CUL4B: variants seen among roughly 807,000 people sequenced by gnomAD.
CUL4B encodes cullin 4B.
CUL4B carries 1 observed loss-of-function variant against 69.2 expected under a neutral mutation model. That is an observed-to-expected ratio of 0.01 (90% CI 0.01 to 0.07). The LOEUF (loss-of-function observed/expected upper bound fraction) is 0.07. Ranked by LOEUF, CUL4B falls within the 10% of genes least tolerant of loss-of-function variation. The pLI, the probability that CUL4B is intolerant of heterozygous loss-of-function variation, is 1.00. For synonymous variants in CUL4B, 237 were observed against 223.2 expected, an observed-to-expected ratio of 1.06 and a Z score of -0.55; for missense variants, 328 against 638.8, an observed-to-expected ratio of 0.51 and a Z score of 5.24.
Position 120,560,920 on chromosome X carries a change from G to A in CUL4B, c.-282C>T, listed in dbSNP as rs971764699. Reference sequence around the variant, plus strand: ...GTGCCGTCCCCCTCCCCTGCTTTTCGATCTCTCTCCCCCCCTTTCTGCAGG... The same window carrying A: ...GTGCCGTCCCCCTCCCCTGCTTTTCAATCTCTCTCCCCCCCTTTCTGCAGG... On this transcript the variant is annotated 5_prime_UTR_variant, in exon 1 of 20. Coordinates refer to ENST00000371322, the MANE Select transcript of CUL4B (RefSeq NM_001079872.2). 1.3e-6 allele frequency: 1 copy of A among 752,823 alleles called. No homozygotes were observed. Among genetic ancestry groups the A allele is most frequent in the Non-Finnish European group, 1.6e-6 (1 of 638,795 alleles). 62.0% of individuals were successfully genotyped at this position (752,823 alleles called of 1,213,427 possible).
chrX:120,553,488 T>G (rs988605181), intron 2 of CUL4B, among the ~76,000 whole-genome samples: 5 of 112,438 alleles, frequency 4.4e-5, no homozygotes, highest in African/African-American at 1.6e-4. Flanking sequence ...AAAATTATTT[T>G]CATCAGAATT....
At chrX:120,571,708 G>A (rs1925715012) in exon 3 of CUL4B, 1 of 110,895 alleles carries the variant, frequency 9.0e-6, no homozygotes, top group African/African-American at 3.3e-5. Flanking sequence ...TGAACAATTG[G>A]GGTTTAAACT....
Position 120,540,357 on chromosome X carries a change from C to A in CUL4B, c.1636+13G>T. On this transcript the variant is annotated intron_variant, in intron 11 of 19. Coordinates refer to ENST00000371322, the MANE Select transcript of CUL4B (RefSeq NM_001079872.2). Reference sequence around the variant, plus strand: ...CATCATTAAACAACTGGAAAAAGGACTGGAAAACATACCTATAAGTTCAGC... The same window carrying A: ...CATCATTAAACAACTGGAAAAAGGAATGGAAAACATACCTATAAGTTCAGC... The A allele has an allele frequency of 2.5e-6, 3 of 1,197,615 alleles. No homozygotes were observed. The highest frequency in any genetic ancestry group is 3.4e-6 in the Non-Finnish European group (3 of 882,993).
intron 13 of CUL4B, 58 bp from the exon 14 acceptor site, chrX:120,538,267 T>A: frequency 1.3e-6 from 1 of 780,502 alleles, no homozygotes; most frequent in Non-Finnish European, 1.9e-6. Context: ...AAAAGAGGTT[T>A]AAAAGTGGGA....
Position 120,525,041 on chromosome X carries a change from T to C in CUL4B, c.*1720A>G, listed in dbSNP as rs1037556880. 8.9e-6 allele frequency: 1 copy of C among 112,252 alleles called. No individual in the cohort carries two copies. Among genetic ancestry groups the C allele is most frequent in the Non-Finnish European group, 1.9e-5 (1 of 53,216 alleles). The allele number at this position is 112,252 out of a possible 1,213,427, so 9.3% of individuals were successfully genotyped here. ...GGGTAAACAAAATAGCTGCATTTGC[T>C]TGTCAGCTGAGCTCATATAAAGAAA... On this transcript the variant is annotated 3_prime_UTR_variant, in exon 20 of 20. Coordinates refer to ENST00000371322, the MANE Select transcript of CUL4B (RefSeq NM_001079872.2).
rs777792521 is a variant in CUL4B, at chrX:120,544,072, G to T, written c.1173+42C>A. The T allele has an allele frequency of 2.5e-5, 21 of 827,108 alleles. No homozygotes were observed. The South Asian group carries it at 3.5e-4, about 14-fold the overall frequency. The allele number at this position is 827,108 out of a possible 1,213,427, so 68.2% of individuals were successfully genotyped here. A position where few individuals can be genotyped will look rare whatever the true frequency, so the allele number is the denominator to read the frequency against. On this transcript the variant is annotated intron_variant, in intron 7 of 19. Coordinates refer to ENST00000371322, the MANE Select transcript of CUL4B (RefSeq NM_001079872.2). ...TATATTCTACAAAGTAAGGTCTATT[G>T]TGAGAGACAGTGAGAATTTATTAGT... is the stretch of plus-strand genomic sequence containing the variant.
Position 120,537,003 on chromosome X carries a change from A to G in CUL4B, c.1970T>C (p.Ile657Thr), listed in dbSNP as rs1437852174. 2.5e-6 allele frequency: 3 copies of G among 1,203,685 alleles called. No homozygotes were observed. The highest frequency in any genetic ancestry group is 2.3e-4 in the Middle Eastern group (1 of 4,332). ...TGTCAGGATATTCACAGTTAACTCA[A>G]TATTTCCCGGAACATTCTGATTCTG... ...YMQNQNVPGN[I>T]ELTVNILTMG... Residue 657 changes from isoleucine (I) to threonine (T), a missense_variant, in exon 15 of 20, where the codon ATT becomes ACT. Ile to Thr is a moderately conservative substitution (Grantham distance 89). This residue lies in a region of CUL4B where 98 missense variants were observed against 296.8 expected (regional missense o/e 0.33). Transcript: ENST00000371322.
chrX:120,567,645 G>A (rs1231252053), downstream of CUL4B, among the ~76,000 whole-genome samples: 1 of 106,305 alleles, frequency 9.4e-6, no homozygotes, highest in Non-Finnish European at 1.9e-5. Flanking sequence ...TTGGGAGGCC[G>A]AGGCAGGAGT....
chrX:120,543,846 C>A, intron 7 of CUL4B, 37 bp from the exon 8 acceptor site: 1 of 1,008,521 alleles, frequency 9.9e-7, no homozygotes, highest in South Asian at 1.9e-5. Context: ...GTTTTCCTCC[C>A]CATAAATCAT....
intron 2 of CUL4B, among the ~76,000 whole-genome samples, chrX:120,556,223 A>G (rs774909127): frequency 9.0e-6 from 1 of 111,689 alleles, no homozygotes; most frequent in South Asian, 3.7e-4. Context: ...TAGTACTACA[A>G]CTACTAGCCG....
chrX:120,556,199 C>A (rs182521266), intron 2 of CUL4B, among the ~76,000 whole-genome samples: 37 of 111,397 alleles, frequency 3.3e-4, no homozygotes, highest in Non-Finnish European at 4.1e-4. Flanking sequence ...TGGGCTTATT[C>A]TTAAGTAATA....
At chrX:120,539,471 C>T (rs992580806) in intron 11 of CUL4B, 99 bp from the exon 12 acceptor site, 1 of 459,667 alleles carries the variant, frequency 2.2e-6, no homozygotes, top group Admixed American at 4.2e-5. Context: ...CTGAGTTTTT[C>T]AATACTTCAG....
rs755717522 is a variant in CUL4B, at chrX:120,538,739, T to C, written c.1773A>G (p.Lys591=). The change falls in exon 13 of 20, where the codon AAA becomes AAG. Residue 591 remains lysine, a synonymous_variant. Transcript: ENST00000371322. Reference sequence around the variant, plus strand: ...CGACTAACAGGCGCTTGGCTAAATCTTTCTTATAGAAGGCCTCAAAAACAT... The same window carrying C: ...CGACTAACAGGCGCTTGGCTAAATCCTTCTTATAGAAGGCCTCAAAAACAT... The part of the protein sequence containing the change: ...GKDVFEAFYK[K]DLAKRLLVGK... 12 of 1,204,034 alleles carry C rather than the reference T, an allele frequency of 1.0e-5. No individual in the cohort carries two copies. In the East Asian group the frequency reaches 2.4e-4, roughly 24 times the overall value.
Position 120,532,405 on chromosome X carries a change from G to C in CUL4B, c.2439+17C>G. On this transcript the variant is annotated intron_variant, in intron 18 of 19. Coordinates refer to ENST00000371322, the MANE Select transcript of CUL4B (RefSeq NM_001079872.2). Reference sequence around the variant, plus strand: ...TAATTCCAGTGTGTTAGGACTAAGAGAAAGTGAAAGAAATACCGTTTCTTT... The same window carrying C: ...TAATTCCAGTGTGTTAGGACTAAGACAAAGTGAAAGAAATACCGTTTCTTT... The C allele has an allele frequency of 1.7e-6, 2 of 1,166,119 alleles. No homozygotes were observed. The highest frequency in any genetic ancestry group is 2.3e-6 in the Non-Finnish European group (2 of 856,050).
chrX:120,571,020 C>CA (rs1318814142), downstream of CUL4B, among the ~76,000 whole-genome samples: 1 of 12,341 alleles, frequency 8.1e-5, no homozygotes, highest in Non-Finnish European at 1.5e-4. Flanking sequence ...AGGGAGATAA[C>CA]AAAAAAAAGG....
At chrX:120,548,535 T>C (rs748526849) in intron 2 of CUL4B, among the ~76,000 whole-genome samples, 1 of 111,662 alleles carries the variant, frequency 9.0e-6, no homozygotes, top group Non-Finnish European at 1.9e-5. Flanking sequence ...TAGTTAAATA[T>C]AGATTTTAAA....
upstream of CUL4B, among the ~76,000 whole-genome samples, chrX:120,565,520 A>G (rs181147215): frequency 9.5e-6 from 1 of 105,660 alleles, no homozygotes; most frequent in African/African-American, 3.4e-5. Context: ...TGTCTCTACT[A>G]AAAATACAAA....
At chrX:120,546,939 A>G (rs1416328159) in intron 3 of CUL4B, among the ~76,000 whole-genome samples, 197 bp downstream of exon 3, 2 of 112,084 alleles carry the variant, frequency 1.8e-5, no homozygotes, top group Non-Finnish European at 3.8e-5. Flanking sequence ...TCTTATTTAC[A>G]TGAATACCAC....
At chrX:120,545,060 T>C (rs907847235) in intron 5 of CUL4B, among the ~76,000 whole-genome samples, 1 of 112,253 alleles carries the variant, frequency 8.9e-6, no homozygotes, top group African/African-American at 3.2e-5. Context: ...TGTAGGCAGA[T>C]GATAGGTACA....
Sources: gnomAD v4.1 joint callset for allele counts (sites outside exome capture counted in the v4.1 genomes callset) on GRCh38, gnomAD v4.1.1 for gene constraint, gnomAD v4.1.1 regional missense constraint, MANE v1.5 for transcripts, NCBI Gene and HGNC (gene_info 2026-07-23, HGNC 2026-07-21) for gene names.